The following CTNNA3 variants were observed in gnomAD, a reference collection of about 807,000 sequenced individuals.
The protein encoded by CTNNA3 is catenin alpha-3.
In CTNNA3, 76 loss-of-function variants were observed where a neutral mutation model predicts 95.7. The observed-to-expected ratio is 0.79, with a 90% CI of 0.66 to 0.96. CTNNA3 has a LOEUF of 0.96. Ranked by LOEUF, CTNNA3 falls within the 40% of genes least tolerant of loss-of-function variation. CTNNA3 has a pLI of 0.00. For synonymous variants in CTNNA3, 431 were observed against 374.4 expected, an observed-to-expected ratio of 1.15 and a Z score of -1.74; for missense variants, 1,191 against 1,089.8, an observed-to-expected ratio of 1.09 and a Z score of -1.31.
At chr10:66,539,920 A>G (rs1308446314) in intron 10 of CTNNA3, among the ~76,000 whole-genome samples, 1 of 152,092 alleles carries the variant, frequency 6.6e-6, no homozygotes, top group Non-Finnish European at 1.5e-5. Flanking sequence ...AAGGGATAAA[A>G]TTACTTAGGT....
intron 9 of CTNNA3, among the ~76,000 whole-genome samples, chr10:66,664,230 G>T (rs1846363731): frequency 6.6e-6 from 1 of 152,138 alleles, no homozygotes; most frequent in Admixed American, 6.6e-5. Context: ...TTATAGGGTT[G>T]ACATTGAATA....
chr10:67,738,582 G>C (rs541793513), intron 1 of CTNNA3, among the ~76,000 whole-genome samples: 1 of 152,050 alleles, frequency 6.6e-6, no homozygotes, highest in Non-Finnish European at 1.5e-5. Context: ...GAACAAAGCT[G>C]GGGGGAGAAT....
intron 5 of CTNNA3, among the ~76,000 whole-genome samples, chr10:67,264,169 A>G (rs1866724872): frequency 6.6e-6 from 1 of 152,138 alleles, no homozygotes; most frequent in South Asian, 2.1e-4. Context: ...CTCATTTAGT[A>G]TACTTGATCC....
At chr10:67,510,460 CTTTT>C (rs139116294) in intron 5 of CTNNA3, among the ~76,000 whole-genome samples, 1 of 140,874 alleles carries the variant, frequency 7.1e-6, no homozygotes. Flanking sequence ...TTCTTCACTT[CTTTT>C]TTTTTTTTTG....
chr10:66,987,372 T>C (rs1488683810), intron 7 of CTNNA3, among the ~76,000 whole-genome samples: 3 of 152,190 alleles, frequency 2.0e-5, no homozygotes, highest in Non-Finnish European at 4.4e-5. Context: ...TGTGGACTTA[T>C]ATTTGAAGGT....
chr10:67,097,980 T>A, intron 7 of CTNNA3: 1 of 597,544 alleles, frequency 1.7e-6, no homozygotes, highest in Non-Finnish European at 3.0e-6. Context: ...AGTCTACACT[T>A]TGTAATTAGC....
chr10:66,740,640 T>A (rs1040594453), intron 9 of CTNNA3, among the ~76,000 whole-genome samples: 5 of 152,230 alleles, frequency 3.3e-5, no homozygotes, highest in Non-Finnish European at 7.3e-5. Flanking sequence ...GCTGTTTCTT[T>A]TTCAAATGTA....
chr10:66,953,784 ATTTT>A (rs533911839), intron 7 of CTNNA3, among the ~76,000 whole-genome samples: 2 of 152,098 alleles, frequency 1.3e-5, no homozygotes, highest in African/African-American at 4.8e-5. Context: ...TATAAGTTTT[ATTTT>A]TTTAAAAATT....
chr10:65,980,701 C>T (rs1354136555), intron 16 of CTNNA3, among the ~76,000 whole-genome samples: 1 of 151,720 alleles, frequency 6.6e-6, no homozygotes, highest in Non-Finnish European at 1.5e-5. Context: ...ATCTGCAAGT[C>T]AATAAATGTG....
intron 10 of CTNNA3, among the ~76,000 whole-genome samples, chr10:66,543,129 C>A (rs1454768067): frequency 2.0e-5 from 3 of 152,018 alleles, no homozygotes; most frequent in African/African-American, 4.8e-5. Context: ...TGCTGTGCTG[C>A]CCAGGCTAGA....
intron 5 of CTNNA3, among the ~76,000 whole-genome samples, chr10:67,513,374 T>C (rs1268657815): frequency 6.6e-6 from 1 of 152,256 alleles, no homozygotes; most frequent in African/African-American, 2.4e-5. Flanking sequence ...TCCTTTGTTG[T>C]ACATTTCTGT....
intron 11 of CTNNA3, among the ~76,000 whole-genome samples, chr10:66,479,950 T>TCA (rs71466882): frequency 0.03 from 4,306 of 145,320 alleles, 132 homozygotes; most frequent in African/African-American, 0.075. Context: ...ACCAAAGCAT[T>TCA]CACACACACA....
intron 9 of CTNNA3, among the ~76,000 whole-genome samples, chr10:66,649,708 C>A (rs189874372): frequency 1.8e-3 from 276 of 152,334 alleles, no homozygotes; most frequent in African/African-American, 6.1e-3. Flanking sequence ...AATCTCTGGG[C>A]CTGCCCCACT....
At chr10:67,262,740 A>G (rs372922106) in intron 5 of CTNNA3, among the ~76,000 whole-genome samples, 35 of 152,232 alleles carry the variant, frequency 2.3e-4, no homozygotes, top group African/African-American at 8.0e-4. Context: ...AAACAACAAT[A>G]TAAAACCCAA....
In CTNNA3 at chr10:66,035,762, C is replaced by T. The variant is rs1180412234; in HGVS notation, c.2159+33546G>A. On this transcript the variant is annotated intron_variant, in intron 15 of 17. Coordinates refer to ENST00000433211, the MANE Select transcript of CTNNA3 (RefSeq NM_013266.4). ...TATATTCCCATAGCCTAGCATAAGG[C>T]CTGGCTTATAGTGAGAAGTCTAGAA... 2.0e-5 allele frequency among the ~76,000 whole-genome samples: 3 copies of T among 151,884 alleles called. No individual in the cohort carries two copies. The East Asian group carries it at 5.8e-4, about 29-fold the overall frequency.
intron 11 of CTNNA3, among the ~76,000 whole-genome samples, chr10:66,431,839 T>C (rs2093299136): frequency 6.6e-6 from 1 of 151,926 alleles, no homozygotes; most frequent in South Asian, 2.1e-4. Context: ...ATGGCACATG[T>C]ATACATATGT....
Position 67,028,807 on chromosome 10 carries a change from T to C in CTNNA3, c.1047+151510A>G, listed in dbSNP as rs112202978. 6.4e-3 allele frequency among the ~76,000 whole-genome samples: 978 copies of C among 152,298 alleles called. 13 individuals carry two copies. The highest frequency in any genetic ancestry group is 0.022 in the African/African-American group (921 of 41,570). On this transcript the variant is annotated intron_variant, in intron 7 of 17. Coordinates refer to ENST00000433211, the MANE Select transcript of CTNNA3 (RefSeq NM_013266.4). ...TTTTGAGGTTTCCTCCCAAGCATTCTACAAGTAATTACATTAGGAAGATAG... is the reference window on the plus strand; with the variant it reads ...TTTTGAGGTTTCCTCCCAAGCATTCCACAAGTAATTACATTAGGAAGATAG...
intron 5 of CTNNA3, among the ~76,000 whole-genome samples, chr10:67,396,375 TATC>T (rs562902657): frequency 3.9e-5 from 6 of 152,316 alleles, no homozygotes; most frequent in African/African-American, 1.2e-4. Context: ...ATTAATATGG[TATC>T]ATCATCAAAA....
chr10:66,859,440 G>A (rs4745918), intron 7 of CTNNA3, among the ~76,000 whole-genome samples: 87,179 of 150,438 alleles, frequency 0.58, 26,329 homozygotes, highest in Non-Finnish European at 0.63. Context: ...GGCCATCAGA[G>A]AAATGCAAAT....
Sources: allele counts gnomAD v4.1 joint callset (sites outside exome capture counted in the v4.1 genomes callset), GRCh38; gene constraint gnomAD v4.1.1; transcripts MANE v1.5; gene names NCBI Gene and HGNC (gene_info 2026-07-23, HGNC 2026-07-21).